Variants in DENR observed in about 807,000 individuals in gnomAD.
DENR encodes density regulated re-initiation and release factor.
Under a neutral mutation model 30.6 loss-of-function variants are expected in DENR, and 6 were observed. The ratio of observed to expected loss-of-function variants is 0.20; its 90% CI spans 0.11 to 0.39. DENR has a LOEUF of 0.39. DENR is among the 10% of genes least tolerant of loss of function. DENR has a pLI of 1.00. For synonymous variants in DENR, 78 were observed against 72.1 expected, an observed-to-expected ratio of 1.08 and a Z score of -0.41; for missense variants, 141 against 230.9, an observed-to-expected ratio of 0.61 and a Z score of 2.52.
chr12:122,755,810 A>G (rs1422416517), intron 2 of DENR, among the ~76,000 whole-genome samples: 1 of 152,228 alleles, frequency 6.6e-6, no homozygotes, highest in Non-Finnish European at 1.5e-5. Flanking sequence ...TACCTTGTCA[A>G]CACTCTCCAG....
chr12:122,765,223 T>C lies in DENR; in HGVS notation c.212-81T>C, dbSNP rs1255136287. On this transcript the variant is annotated intron_variant, in intron 4 of 7. Transcript: ENST00000280557. ...GTTGGTAAGATGCCTTATTTGTATATGAGGTTGCTCAAAGGTGATTTCTTT... is the reference window on the plus strand; with the variant it reads ...GTTGGTAAGATGCCTTATTTGTATACGAGGTTGCTCAAAGGTGATTTCTTT... The C allele has an allele frequency of 6.4e-6, 7 of 1,101,234 alleles. No individual in the cohort carries two copies. The East Asian group carries it at 1.8e-4, about 28-fold the overall frequency. 68.2% of individuals were successfully genotyped at this position (1,101,234 alleles called of 1,614,324 possible).
chr12:122,756,701 G>C (rs1253698561), intron 2 of DENR, among the ~76,000 whole-genome samples: 1 of 152,156 alleles, frequency 6.6e-6, no homozygotes, highest in Non-Finnish European at 1.5e-5. Flanking sequence ...TTACAGTTTG[G>C]TTGTATTGTG....
At chr12:122,765,813 A>G (rs1215329399) in intron 5 of DENR, among the ~76,000 whole-genome samples, 2 of 152,142 alleles carry the variant, frequency 1.3e-5, no homozygotes, top group Non-Finnish European at 2.9e-5. Context: ...AAAAACAGCT[A>G]AAATTCCTGT....
chr12:122,765,299 T>A lies in DENR; in HGVS notation c.212-5T>A, dbSNP rs370304664. Reference sequence around the variant, plus strand: ...CATGCTTTTGTATTTCACTTTTATATCTAGAAAATTCACCCAAACAAGAAG... The same window carrying A: ...CATGCTTTTGTATTTCACTTTTATAACTAGAAAATTCACCCAAACAAGAAG... On this transcript the variant is annotated splice_region_variant and splice_polypyrimidine_tract_variant and intron_variant, in intron 4 of 7. Coordinates refer to ENST00000280557, the MANE Select transcript of DENR (RefSeq NM_003677.5). The A allele has an allele frequency of 1.5e-5, 24 of 1,549,752 alleles. No homozygotes were observed. Among genetic ancestry groups the A allele is most frequent in the Non-Finnish European group, 2.0e-5 (23 of 1,145,920 alleles).
chr12:122,762,803 GA>G (rs1878737793), intron 3 of DENR, 41 bp from the exon 4 acceptor site: 2 of 1,311,896 alleles, frequency 1.5e-6, no homozygotes, highest in East Asian at 5.1e-5. Context: ...TTGTTTGACT[GA>G]AAATGTTTTG....
chr12:122,766,409 C>T (rs1878851349), intron 5 of DENR, among the ~76,000 whole-genome samples: 1 of 152,186 alleles, frequency 6.6e-6, no homozygotes, highest in Non-Finnish European at 1.5e-5. Context: ...AGGATTCTGT[C>T]CTAGGCCCAC....
intron 2 of DENR, among the ~76,000 whole-genome samples, chr12:122,755,925 A>G (rs994631774): frequency 1.3e-5 from 2 of 152,352 alleles, no homozygotes; most frequent in African/African-American, 4.8e-5. Context: ...TAACATTACC[A>G]TTTTGTAAAA....
intron 2 of DENR, 92 bp from the exon 3 acceptor site, chr12:122,762,095 A>AT: frequency 1.2e-6 from 1 of 840,364 alleles, no homozygotes; most frequent in South Asian, 2.4e-5. Flanking sequence ...AAAATGAAGC[A>AT]TTTTCTCAAA....
At chr12:122,760,126 AC>A (rs1365164733) in intron 2 of DENR, among the ~76,000 whole-genome samples, 3 of 152,174 alleles carry the variant, frequency 2.0e-5, no homozygotes, top group East Asian at 3.8e-4. Context: ...TTGCTTGTTT[AC>A]TTTGTGTAAC....
intron 2 of DENR, among the ~76,000 whole-genome samples, chr12:122,761,358 G>A (rs1878694388): frequency 6.6e-6 from 1 of 152,142 alleles, no homozygotes; most frequent in South Asian, 2.1e-4. Context: ...GTTGCAGTGA[G>A]CCGAGATCGT....
intron 5 of DENR, among the ~76,000 whole-genome samples, chr12:122,766,826 G>GCT (rs1467839137): frequency 2.6e-5 from 4 of 151,954 alleles, no homozygotes; most frequent in Non-Finnish European, 4.4e-5. Flanking sequence ...CTGAACTAAC[G>GCT]CAAGAGCCTC....
At chr12:122,755,504 G>A (rs879472302) in intron 2 of DENR, among the ~76,000 whole-genome samples, 4 of 152,092 alleles carry the variant, frequency 2.6e-5, no homozygotes, top group African/African-American at 4.8e-5. Flanking sequence ...ACTTGAACCC[G>A]GGAGGCAGAG....
rs894422312 is a variant in DENR at position 122,770,712 on chromosome 12, C to A, written c.*1634C>A. 1 of 398,262 alleles carries A rather than the reference C, an allele frequency of 2.5e-6. No individual in the cohort carries two copies. The highest frequency in any genetic ancestry group is 2.1e-5 in the African/African-American group (1 of 48,546). The allele number at this position is 398,262 out of a possible 1,614,324, so 24.7% of individuals were successfully genotyped here. A position where few individuals can be genotyped will look rare whatever the true frequency, so the allele number is the denominator to read the frequency against. On this transcript the variant is annotated 3_prime_UTR_variant, in exon 8 of 8. Coordinates refer to ENST00000280557, the MANE Select transcript of DENR (RefSeq NM_003677.5). ...TTTAAGAAACTTAGAACCCATGGAA[C>A]CCTTGTTTATCGCCATGCAAATTAC...
rs542595768 is a variant in DENR at position 122,769,217 on chromosome 12, T to C, written c.*139T>C. On this transcript the variant is annotated 3_prime_UTR_variant, in exon 8 of 8. Transcript: ENST00000280557. The stretch of plus-strand genomic sequence containing the variant: ...ATATGTATGTATACACATATACACA[T>C]GTATATATACATGTGTGTATGTATA... The C allele has an allele frequency of 4.6e-3, 3,976 of 871,936 alleles. 158 individuals carry two copies. In the African/African-American group the frequency reaches 0.076, roughly 17 times the overall value. The allele number at this position is 871,936 out of a possible 1,614,324, so 54.0% of individuals were successfully genotyped here.
chr12:122,757,024 A>G (rs1310488163), intron 2 of DENR, among the ~76,000 whole-genome samples: 1 of 152,216 alleles, frequency 6.6e-6, no homozygotes, highest in Non-Finnish European at 1.5e-5. Flanking sequence ...GATGGGAGAA[A>G]TAAACTGGAT....
chr12:122,766,934 C>T (rs1350094008), intron 5 of DENR, among the ~76,000 whole-genome samples: 2 of 152,338 alleles, frequency 1.3e-5, no homozygotes, highest in Non-Finnish European at 2.9e-5. Flanking sequence ...CTGGCTCCAT[C>T]TGCTACATAT....
intron 2 of DENR, chr12:122,754,114 G>C: frequency 2.7e-6 from 1 of 367,074 alleles, no homozygotes; most frequent in Non-Finnish European, 5.2e-6. Flanking sequence ...CTTCTTGGAA[G>C]ATTATGAGTT....
At chr12:122,753,451 T>C (rs1403657188) in intron 1 of DENR, among the ~76,000 whole-genome samples, 2 of 152,224 alleles carry the variant, frequency 1.3e-5, no homozygotes, top group African/African-American at 4.8e-5. Context: ...TTTTCTCTAG[T>C]GAGTCCCTCT....
Position 122,770,470 on chromosome 12 carries a change from T to C in DENR, c.*1392T>C. Reference sequence around the variant, plus strand: ...GGCCGTTCAGAGAGGCTAGAGGTTCTTATTCTGGCTATAAATTATGTGAGT... The same window carrying C: ...GGCCGTTCAGAGAGGCTAGAGGTTCCTATTCTGGCTATAAATTATGTGAGT... On this transcript the variant is annotated 3_prime_UTR_variant, in exon 8 of 8. Coordinates refer to ENST00000280557, the MANE Select transcript of DENR (RefSeq NM_003677.5). The C allele has an allele frequency of 2.5e-6, 1 of 396,698 alleles. No homozygotes were observed. Among genetic ancestry groups the C allele is most frequent in the Non-Finnish European group, 4.4e-6 (1 of 225,382 alleles). The allele number at this position is 396,698 out of a possible 1,614,324, so 24.6% of individuals were successfully genotyped here. A position where few individuals can be genotyped will look rare whatever the true frequency, so the allele number is the denominator to read the frequency against.
Sources: allele counts gnomAD v4.1 joint callset (sites outside exome capture counted in the v4.1 genomes callset), GRCh38; gene constraint gnomAD v4.1.1; transcripts MANE v1.5; gene names NCBI Gene and HGNC (gene_info 2026-07-23, HGNC 2026-07-21).